COL28A1: variants seen among roughly 807,000 people sequenced by gnomAD.
COL28A1 encodes the protein collagen type XXVIII alpha 1 chain.
COL28A1 carries 161 observed loss-of-function variants against 150.2 expected under a neutral mutation model. The ratio of observed to expected loss-of-function variants is 1.07; its 90% confidence interval spans 0.94 to 1.22. COL28A1 has a LOEUF of 1.22. Ranked by LOEUF, COL28A1 falls within the 50% of genes most tolerant of loss-of-function variation. The pLI is 0.00. For synonymous variants in COL28A1, 552 were observed against 469.7 expected, an observed-to-expected ratio of 1.18 and a Z score of -2.26; for missense variants, 1,617 against 1,388.3, an observed-to-expected ratio of 1.16 and a Z score of -2.62.
rs1783780956 is a variant in COL28A1 at position 7,411,340 on chromosome 7, G to A, written c.2136+6519C>T. Among the ~76,000 whole-genome samples the A allele has an allele frequency of 2.6e-5, 4 of 152,162 alleles. No individual in the cohort carries two copies. In the South Asian group the frequency reaches 8.3e-4, roughly 32 times the overall value. ...CCTGAATCAGAGAGCTTTGGAGGAA[G>A]AAGCAATTTTCTGGCTGTGCCCATT... is the stretch of plus-strand genomic sequence containing the variant. On this transcript the variant is annotated intron_variant, in intron 27 of 34. Coordinates refer to ENST00000399429, the MANE Select transcript of COL28A1 (RefSeq NM_001037763.3).
intron 11 of COL28A1, among the ~76,000 whole-genome samples, chr7:7,500,642 C>G (rs1314371451): frequency 6.6e-6 from 1 of 152,176 alleles, no homozygotes; most frequent in Non-Finnish European, 1.5e-5. Context: ...ACAGCCAGCC[C>G]TCTTACCAAA....
In COL28A1 at chr7:7,480,537, A is replaced by C. The variant is rs574167831; in HGVS notation, c.1165-3357T>G. 2.0e-5 allele frequency among the ~76,000 whole-genome samples: 3 copies of C among 152,344 alleles called. No individual in the cohort carries two copies. The East Asian group carries it at 5.8e-4, about 29-fold the overall frequency. ...AAACCAAAAGTGCCAAGCCAACATC[A>C]CATACTTTAACAAAGAAAACACATA... On this transcript the variant is annotated intron_variant, in intron 13 of 34. Coordinates refer to ENST00000399429, the MANE Select transcript of COL28A1 (RefSeq NM_001037763.3).
chr7:7,440,409 A>T (rs1785681728), intron 21 of COL28A1, among the ~76,000 whole-genome samples: 1 of 152,210 alleles, frequency 6.6e-6, no homozygotes, highest in Non-Finnish European at 1.5e-5. Context: ...CCTTCCAAAG[A>T]AGAGCCTTCA....
chr7:7,517,987 C>T (rs1266188208), intron 6 of COL28A1, 150 bp from the exon 7 acceptor site: 10 of 519,770 alleles, frequency 1.9e-5, no homozygotes, highest in Non-Finnish European at 3.1e-5. Context: ...GCAATCTAGG[C>T]AAAAAAAAAA....
At chr7:7,357,151 G>A (rs180685793), downstream of COL28A1, 1 of 152,342 alleles carries the variant, frequency 6.6e-6, no homozygotes, top group Non-Finnish European at 1.5e-5. Flanking sequence ...CCAGGGTCAA[G>A]CGATTCTCCT....
chr7:7,419,120 C>T (rs1350369016), intron 26 of COL28A1, among the ~76,000 whole-genome samples: 4 of 152,148 alleles, frequency 2.6e-5, no homozygotes, highest in Admixed American at 6.5e-5. Flanking sequence ...TACTTCTTTA[C>T]CCTACTTTCG....
chr7:7,477,722 G>C (rs915505770), intron 13 of COL28A1, among the ~76,000 whole-genome samples: 1 of 152,188 alleles, frequency 6.6e-6, no homozygotes, highest in African/African-American at 2.4e-5. Context: ...ACAGTTAACA[G>C]CAGTAAGATA....
chr7:7,537,348 A>G (rs925619014), upstream of COL28A1, among the ~76,000 whole-genome samples: 1 of 152,154 alleles, frequency 6.6e-6, no homozygotes. Flanking sequence ...CCTGGAGAAA[A>G]CCCACACAGA....
At chr7:7,507,445 A>G (rs1037773604) in intron 9 of COL28A1, among the ~76,000 whole-genome samples, 5 of 152,364 alleles carry the variant, frequency 3.3e-5, no homozygotes, top group Middle Eastern at 3.4e-3. Flanking sequence ...AAATTACTTT[A>G]TAAGATTCCT....
At chr7:7,402,267 G>A (rs371200398) in intron 27 of COL28A1, among the ~76,000 whole-genome samples, 34 of 152,196 alleles carry the variant, frequency 2.2e-4, no homozygotes, top group African/African-American at 6.7e-4. Context: ...GCTTCTTCCC[G>A]TCAAGGCTTG....
At chr7:7,450,633 C>T (rs966934167) in intron 18 of COL28A1, among the ~76,000 whole-genome samples, 9 of 152,136 alleles carry the variant, frequency 5.9e-5, no homozygotes, top group South Asian at 4.1e-4. Flanking sequence ...ATTGAAGACT[C>T]GCACGCTCTA....
At chr7:7,520,033 GT>G in intron 6 of COL28A1, 28 bp downstream of exon 6, 1 of 1,100,186 alleles carries the variant, frequency 9.1e-7, no homozygotes, top group Non-Finnish European at 1.4e-6. Context: ...AGATACGCTG[GT>G]TTAAAGAAAA....
At chr7:7,367,934 A>C (rs1446759187) in intron 33 of COL28A1, among the ~76,000 whole-genome samples, 1 of 149,686 alleles carries the variant, frequency 6.7e-6, no homozygotes. Context: ...CCTCTCCCTC[A>C]CCTCCAATCC....
chr7:7,459,920 A>G (rs1787477473), intron 15 of COL28A1, among the ~76,000 whole-genome samples: 1 of 152,140 alleles, frequency 6.6e-6, no homozygotes, highest in South Asian at 2.1e-4. Flanking sequence ...ACTATATAAA[A>G]CCCTCAAATT....
At chr7:7,338,732 C>T in the COL28A1 span, among the ~76,000 whole-genome samples, 3 of 152,060 alleles carry the variant, frequency 2.0e-5, no homozygotes, top group African/African-American at 7.2e-5. Context: ...TTTACATCTA[C>T]TTATGTGCTT....
chr7:7,452,624 A>T (rs1178393121), intron 17 of COL28A1, among the ~76,000 whole-genome samples: 2 of 152,240 alleles, frequency 1.3e-5, no homozygotes, highest in Non-Finnish European at 2.9e-5. Flanking sequence ...TAGGCCACAT[A>T]GCATATTCAA....
chr7:7,527,166 A>G (rs1782071507), intron 3 of COL28A1, among the ~76,000 whole-genome samples: 1 of 152,232 alleles, frequency 6.6e-6, no homozygotes, highest in Non-Finnish European at 1.5e-5. Context: ...TATGGAAACA[A>G]AAATGAACCC....
chr7:7,377,807 CAAAAAAAA>C (rs35530896), intron 30 of COL28A1, among the ~76,000 whole-genome samples: 1 of 126,322 alleles, frequency 7.9e-6, no homozygotes, highest in Admixed American at 8.2e-5. Flanking sequence ...ATAATTCACG[CAAAAAAAA>C]AAAAAAAACC....
intron 1 of COL28A1, among the ~76,000 whole-genome samples, chr7:7,534,102 C>A (rs916061196): frequency 6.6e-6 from 1 of 152,048 alleles, no homozygotes; most frequent in Non-Finnish European, 1.5e-5. Context: ...CAAAGGGAAA[C>A]AAAACTGTTG....
Sources: allele counts gnomAD v4.1 joint callset (sites outside exome capture counted in the v4.1 genomes callset), GRCh38; gene constraint gnomAD v4.1.1; transcripts MANE v1.5; gene names NCBI Gene and HGNC (gene_info 2026-07-23, HGNC 2026-07-21).